ZNF296: variants seen among roughly 807,000 people sequenced by gnomAD.
The protein encoded by ZNF296 is zinc finger protein 342.
Under a neutral mutation model 13.2 loss-of-function variants are expected in ZNF296, and 1 was observed. The ratio of observed to expected loss-of-function variants is 0.08; its 90% CI spans 0.03 to 0.36. ZNF296 has a LOEUF of 0.36. Ranked by LOEUF, ZNF296 falls within the 10% of genes least tolerant of loss-of-function variation. The pLI is 0.99. For synonymous variants in ZNF296, 303 were observed against 289.0 expected (o/e 1.05, Z -0.49); for missense variants, 555 against 688.2 (o/e 0.81, Z 2.16).
chr19:45,076,076 CG>C lies in ZNF296; in HGVS notation c.297del (p.Asp100ThrfsTer13). 1 of 1,581,422 alleles carries C rather than the reference CG, an allele frequency of 6.3e-7. No homozygotes were observed. The highest frequency in any genetic ancestry group is 8.6e-7 in the Non-Finnish European group (1 of 1,169,548). On this transcript the variant is annotated frameshift_variant and splice_region_variant, in exon 1 of 3. Transcript: ENST00000303809. LOFTEE classifies it high-confidence loss of function. The surrounding 1 kb of genome is among the most constrained non-coding windows in gnomAD (Gnocchi z 4.9). ...TLWTPLTPNY[P>X]DRQPWTDKHP... ...TGGGCCCAGGGCCCGGGGTGCTCACCGGGATAGTTCGGGGTCAACGGCGTCC... is the reference window on the plus strand; with the variant it reads ...TGGGCCCAGGGCCCGGGGTGCTCACCGGATAGTTCGGGGTCAACGGCGTCC...
intron 2 of ZNF296, 100 bp downstream of exon 2, chr19:45,075,613 G>T: frequency 7.0e-7 from 1 of 1,424,178 alleles, no homozygotes; most frequent in South Asian, 1.3e-5. Context: ...AGCGAGAAAG[G>T]GGAAGTAGTG....
rs1046380963 is a variant in ZNF296 at position 45,076,406 on chromosome 19, A to G, written c.-33T>C. 1.8e-5 allele frequency: 22 copies of G among 1,224,872 alleles called. No homozygotes were observed. Among genetic ancestry groups the G allele is most frequent in the East Asian group, 7.0e-5 (2 of 28,672 alleles). The allele number at this position is 1,224,872 out of a possible 1,614,324, so 75.9% of individuals were successfully genotyped here. ...GGGCCGGGCGAGCGAGCGGGCGGGC[A>G]GGCAGGCAGGCGGGCGGGCGGAGGA... is the stretch of plus-strand genomic sequence containing the variant. On this transcript the variant is annotated 5_prime_UTR_variant, in exon 1 of 3. Transcript: ENST00000303809. This position sits in a 1 kb window ranked among gnomAD's most constrained non-coding sequence, Gnocchi z 4.9.
rs755608364 is a variant in ZNF296, at chr19:45,076,167, G to T, written c.207C>A (p.Ser69=). The part of the protein sequence containing the change: ...AGRFGGEPHH[S]PGPMPAGAAL... ...CGGCCCCGGCGGGCATGGGGCCAGG[G>T]GAGTGGTGGGGTTCGCCGCCGAACC... The change falls in exon 1 of 3, where the codon TCC becomes TCA. Residue 69 remains serine (S), a synonymous_variant. Coordinates refer to ENST00000303809, the MANE Select transcript of ZNF296 (RefSeq NM_145288.3). This position sits in a 1 kb window ranked among gnomAD's most constrained non-coding sequence, Gnocchi z 4.9. 2 of 1,522,642 alleles carry T rather than the reference G, an allele frequency of 1.3e-6. No homozygotes were observed. The highest frequency in any genetic ancestry group is 4.6e-5 in the Admixed American group (2 of 43,228). The allele number at this position is 1,522,642 out of a possible 1,614,324, so 94.3% of individuals were successfully genotyped here.
chr19:45,071,883 G>A lies in ZNF296; in HGVS notation c.1146C>T (p.Arg382=), dbSNP rs776942651. 6 of 1,613,224 alleles carry A rather than the reference G, an allele frequency of 3.7e-6. No homozygotes were observed. The South Asian group carries it at 5.5e-5, about 15-fold the overall frequency. ...AGAACTCACAGCTGCCCCCGGGCCC[G>A]CGGCTCTTGCCCCCTGACTTGGGCA... ...KKMPKSGGKS[R]GPGGSCEFCG... Residue 382 remains arginine, a synonymous_variant, in exon 3 of 3, where the codon CGC becomes CGT. Coordinates refer to ENST00000303809, the MANE Select transcript of ZNF296 (RefSeq NM_145288.3).
Position 45,072,520 on chromosome 19 carries a change from C to A in ZNF296, c.509G>T (p.Trp170Leu). ...CCACTGGGCGTGACGCAGCAGCTTC[C>A]AGGCCACTGTGAACTGTTTGCCACA... ...LRCGKQFTVA[W>L]KLLRHAQWDH... The change falls in exon 3 of 3, where the codon TGG becomes TTG. Residue 170 changes from tryptophan (W) to leucine (L), a missense_variant. Trp to Leu is a moderately conservative substitution (Grantham distance 61). Coordinates refer to ENST00000303809, the MANE Select transcript of ZNF296 (RefSeq NM_145288.3). The A allele has an allele frequency of 6.2e-7, 1 of 1,613,698 alleles. No homozygotes were observed. Among genetic ancestry groups the A allele is most frequent in the Non-Finnish European group, 8.5e-7 (1 of 1,179,964 alleles).
At position 45,076,425 on chromosome 19, in the gene ZNF296, C is replaced by A. The variant is rs1315930761; in HGVS notation, c.-52G>T. 5.0e-6 allele frequency: 6 copies of A among 1,200,774 alleles called. No homozygotes were observed. The highest frequency in any genetic ancestry group is 1.6e-5 in the African/African-American group (1 of 63,096). 74.4% of individuals were successfully genotyped at this position (1,200,774 alleles called of 1,614,324 possible). ...GCGGGCAGGCAGGCAGGCGGGCGGG[C>A]GGAGGACGCACGAGCGGAGGACGCG... On this transcript the variant is annotated 5_prime_UTR_variant, in exon 1 of 3. Coordinates refer to ENST00000303809, the MANE Select transcript of ZNF296 (RefSeq NM_145288.3). This position sits in a 1 kb window ranked among gnomAD's most constrained non-coding sequence, Gnocchi z 4.9.
intron 2 of ZNF296, among the ~76,000 whole-genome samples, chr19:45,073,680 T>C (rs1967294647): frequency 6.6e-6 from 1 of 150,930 alleles, no homozygotes. Flanking sequence ...GTGCTGGGAT[T>C]ATAGGCGTGA....
rs747141674 is a variant in ZNF296, at chr19:45,072,371, G to A, written c.658C>T (p.Arg220Cys). 16 of 1,612,408 alleles carry A rather than the reference G, an allele frequency of 9.9e-6. No individual in the cohort carries two copies. Among genetic ancestry groups the A allele is most frequent in the Admixed American group, 8.3e-5 (5 of 60,004 alleles). The change falls in exon 3 of 3, where the codon CGT becomes TGT. Residue 220 changes from arginine (R) to cysteine (C), a missense_variant. By Grantham distance (180) the Arg-to-Cys change is radical. Transcript: ENST00000303809. ...VGPAAEAKSPRASGSGLTRRS... is the reference protein window; with the variant it reads ...VGPAAEAKSPCASGSGLTRRS... The stretch of plus-strand genomic sequence containing the variant: ...CGGGTGAGGCCGCTGCCACTTGCAC[G>A]GGGGCTCTTGGCCTCAGCTGCTGGC...
At chr19:45,073,416 G>A (rs555497669) in intron 2 of ZNF296, among the ~76,000 whole-genome samples, 13 of 148,088 alleles carry the variant, frequency 8.8e-5, no homozygotes, top group Non-Finnish European at 1.6e-4. Context: ...TGTCGCCCAG[G>A]CTGCAGTGCA....
In ZNF296 at chr19:45,072,094, G is replaced by A; in HGVS notation, c.935C>T (p.Ala312Val). Residue 312 changes from alanine to valine, a missense_variant, in exon 3 of 3, where the codon GCC becomes GTC. By Grantham distance (64) the Ala-to-Val change is moderately conservative. This residue lies in a region of ZNF296 where 410 missense variants were observed against 548.0 expected (regional missense o/e 0.75). Transcript: ENST00000303809. ...GCTGCATGGAAGGGTGCTGGTGGGG[G>A]CAGCAGCATGGACAGCCGGCTCCGG... is the stretch of plus-strand genomic sequence containing the variant. ...APPEPAVHAA[A>V]PTSTLPCSGG... is the part of the protein sequence containing the mutation. 2 of 1,611,418 alleles carry A rather than the reference G, an allele frequency of 1.2e-6. No individual in the cohort carries two copies. The highest frequency in any genetic ancestry group is 2.2e-5 in the East Asian group (1 of 44,830).
rs769982201 is a variant in ZNF296, at chr19:45,076,041, T to C, written c.298+35A>G. Reference sequence around the variant, plus strand: ...AAGGGTCCCACCCGAGGGTCAAAGGTAAGGGAGGCTGGGCCCAGGGCCCGG... The same window carrying C: ...AAGGGTCCCACCCGAGGGTCAAAGGCAAGGGAGGCTGGGCCCAGGGCCCGG... On this transcript the variant is annotated intron_variant, in intron 1 of 2. Coordinates refer to ENST00000303809, the MANE Select transcript of ZNF296 (RefSeq NM_145288.3). The surrounding 1 kb of genome is among the most constrained non-coding windows in gnomAD (Gnocchi z 4.9). The C allele has an allele frequency of 5.1e-6, 8 of 1,571,934 alleles. No homozygotes were observed. The highest frequency in any genetic ancestry group is 4.6e-5 in the South Asian group (4 of 86,836).
intron 2 of ZNF296, among the ~76,000 whole-genome samples, chr19:45,072,817 A>G (rs567178884): frequency 6.6e-6 from 1 of 152,214 alleles, no homozygotes; most frequent in East Asian, 1.9e-4. Flanking sequence ...GCTGGGGTGC[A>G]GTGGCACGAT....
rs1490405501 is a variant in ZNF296 at position 45,076,031 on chromosome 19, G to A, written c.298+45C>T. 9 of 1,570,316 alleles carry A rather than the reference G, an allele frequency of 5.7e-6. No individual in the cohort carries two copies. In the African/African-American group the frequency reaches 1.2e-4, roughly 22 times the overall value. On this transcript the variant is annotated intron_variant, in intron 1 of 2. Coordinates refer to ENST00000303809, the MANE Select transcript of ZNF296 (RefSeq NM_145288.3). The surrounding 1 kb of genome is among the most constrained non-coding windows in gnomAD (Gnocchi z 4.9). ...GCCCAAAGGGAAGGGTCCCACCCGAGGGTCAAAGGTAAGGGAGGCTGGGCC... is the reference window on the plus strand; with the variant it reads ...GCCCAAAGGGAAGGGTCCCACCCGAAGGTCAAAGGTAAGGGAGGCTGGGCC...
At position 45,073,299 on chromosome 19, in the gene ZNF296, CTTT is replaced by C. The variant is rs967171202; in HGVS notation, c.449-722_449-720del. Among the ~76,000 whole-genome samples the C allele has an allele frequency of 4.4e-5, 6 of 136,274 alleles. No homozygotes were observed. The East Asian group carries it at 1.1e-3, about 24-fold the overall frequency. The allele number at this position is 136,274 out of a possible 152,430, so 89.4% of individuals were successfully genotyped here. On this transcript the variant is annotated intron_variant, in intron 2 of 2. Coordinates refer to ENST00000303809, the MANE Select transcript of ZNF296 (RefSeq NM_145288.3). ...AGAGGGCAGAACAGAGGCTTGCTTG[CTTT>C]TTTTTTTTTGCTTTAAATTTTTAAT...
Position 45,076,282 on chromosome 19 carries a change from A to G in ZNF296, c.92T>C (p.Val31Ala), listed in dbSNP as rs769563026. Residue 31 changes from valine (V) to alanine (A), a missense_variant, in exon 1 of 3, where the codon GTC (valine) becomes GCC (alanine). Physicochemically the swap from Val to Ala is moderately conservative, Grantham distance 64 (BLOSUM62 0). Transcript: ENST00000303809. This position sits in a 1 kb window ranked among gnomAD's most constrained non-coding sequence, Gnocchi z 4.9. ...PDDEMEMQDLVIELKPEPDAQ... is the reference protein window; with the variant it reads ...PDDEMEMQDLAIELKPEPDAQ... ...GTCTGGCTCGGGCTTGAGTTCGATGACGAGGTCCTGCATTTCCATCTCGTC... is the reference window on the plus strand; with the variant it reads ...GTCTGGCTCGGGCTTGAGTTCGATGGCGAGGTCCTGCATTTCCATCTCGTC... 3.0e-5 allele frequency: 44 copies of G among 1,476,394 alleles called. No homozygotes were observed. Among genetic ancestry groups the G allele is most frequent in the Non-Finnish European group, 3.7e-5 (41 of 1,114,484 alleles). The allele number at this position is 1,476,394 out of a possible 1,614,324, so 91.5% of individuals were successfully genotyped here. A position where few individuals can be genotyped will look rare whatever the true frequency, so the allele number is the denominator to read the frequency against.
At chr19:45,074,258 G>C (rs1967305637) in intron 2 of ZNF296, among the ~76,000 whole-genome samples, 1 of 151,678 alleles carries the variant, frequency 6.6e-6, no homozygotes, top group Non-Finnish European at 1.5e-5. Context: ...CTACTTGGAG[G>C]GCTGAGGCAG....
chr19:45,071,538 A>G lies in ZNF296; in HGVS notation c.*63T>C. ...AAATTTACTTGGAGAAGGCGGGCAAAAACGAGGAGGTCAATGGGTGTTGGC... is the reference window on the plus strand; with the variant it reads ...AAATTTACTTGGAGAAGGCGGGCAAGAACGAGGAGGTCAATGGGTGTTGGC... On this transcript the variant is annotated 3_prime_UTR_variant, in exon 3 of 3. Coordinates refer to ENST00000303809, the MANE Select transcript of ZNF296 (RefSeq NM_145288.3). The G allele has an allele frequency of 6.7e-7, 1 of 1,492,160 alleles. No homozygotes were observed. Among genetic ancestry groups the G allele is most frequent in the Non-Finnish European group, 8.8e-7 (1 of 1,129,946 alleles). 92.4% of individuals were successfully genotyped at this position (1,492,160 alleles called of 1,614,324 possible). A position where few individuals can be genotyped will look rare whatever the true frequency, so the allele number is the denominator to read the frequency against.
Position 45,076,181 on chromosome 19 carries a change from C to T in ZNF296, c.193G>A (p.Glu65Lys). 6.7e-7 allele frequency: 1 copy of T among 1,503,246 alleles called. No homozygotes were observed. The highest frequency in any genetic ancestry group is 8.9e-7 in the Non-Finnish European group (1 of 1,129,422). 93.1% of individuals were successfully genotyped at this position (1,503,246 alleles called of 1,614,324 possible). A position where few individuals can be genotyped will look rare whatever the true frequency, so the allele number is the denominator to read the frequency against. ...EVSSAGRFGG[E>K]PHHSPGPMPA... Reference sequence around the variant, plus strand: ...ATGGGGCCAGGGGAGTGGTGGGGTTCGCCGCCGAACCGCCCCGCCGAGGAC... The same window carrying T: ...ATGGGGCCAGGGGAGTGGTGGGGTTTGCCGCCGAACCGCCCCGCCGAGGAC... Residue 65 changes from glutamate to lysine, a missense_variant, in exon 1 of 3, where the codon GAA (glutamate) becomes AAA (lysine). Coordinates refer to ENST00000303809, the MANE Select transcript of ZNF296 (RefSeq NM_145288.3). The surrounding 1 kb of genome is among the most constrained non-coding windows in gnomAD (Gnocchi z 4.9).
chr19:45,071,873 C>T lies in ZNF296; in HGVS notation c.1156G>A (p.Gly386Ser). The T allele has an allele frequency of 6.2e-7, 1 of 1,613,044 alleles. No homozygotes were observed. Among genetic ancestry groups the T allele is most frequent in the East Asian group, 2.2e-5 (1 of 44,850 alleles). The change falls in exon 3 of 3, where the codon GGC becomes AGC. Residue 386 changes from glycine to serine, a missense_variant. Transcript: ENST00000303809. Reference sequence around the variant, plus strand: ...TGCTTCCCGCAGAACTCACAGCTGCCCCCGGGCCCGCGGCTCTTGCCCCCT... The same window carrying T: ...TGCTTCCCGCAGAACTCACAGCTGCTCCCGGGCCCGCGGCTCTTGCCCCCT... ...KSGGKSRGPG[G>S]SCEFCGKHFT...
Sources: allele counts gnomAD v4.1 joint callset (sites outside exome capture counted in the v4.1 genomes callset), GRCh38; gene constraint gnomAD v4.1.1; regional missense constraint gnomAD v4.1.1; non-coding constraint Gnocchi (gnomAD v3.1); transcripts MANE v1.5; gene names NCBI Gene and HGNC (gene_info 2026-07-23, HGNC 2026-07-21).